CDH18: variants seen among roughly 807,000 people sequenced by gnomAD.
CDH18 encodes cadherin 18.
Under a neutral mutation model 67.9 loss-of-function variants are expected in CDH18, and 31 were observed. That is an observed-to-expected ratio of 0.46 (90% CI 0.34 to 0.62). The LOEUF (loss-of-function observed/expected upper bound fraction) is 0.62, where lower values mean the gene tolerates loss of function less well. CDH18 is among the 20% of genes least tolerant of loss of function. The pLI is 0.01. For synonymous variants in CDH18, 362 were observed against 347.2 expected (o/e 1.04, Z -0.48); for missense variants, 890 against 975.5 (o/e 0.91, Z 1.17).
chr5:20,205,691 G>C (rs1305296863), intron 2 of CDH18, among the ~76,000 whole-genome samples: 2 of 151,580 alleles, frequency 1.3e-5, no homozygotes, highest in Admixed American at 1.3e-4. Context: ...AACAAAACTA[G>C]AAATCAATAA....
At chr5:20,264,648 T>C (rs533742689) in intron 1 of CDH18, among the ~76,000 whole-genome samples, 3 of 151,992 alleles carry the variant, frequency 2.0e-5, no homozygotes, top group Non-Finnish European at 2.9e-5. Context: ...AGCGGAAAAA[T>C]CTTGTTAGGT....
chr5:20,137,159 T>C (rs1749801640), intron 2 of CDH18, among the ~76,000 whole-genome samples: 1 of 152,138 alleles, frequency 6.6e-6, no homozygotes, highest in African/African-American at 2.4e-5. Flanking sequence ...TTCTCCCGGG[T>C]AATATCCTGA....
intron 2 of CDH18, among the ~76,000 whole-genome samples, chr5:20,220,304 G>T (rs1741123156): frequency 6.6e-6 from 1 of 151,864 alleles, no homozygotes; most frequent in Non-Finnish European, 1.5e-5. Context: ...ACAGAATAGA[G>T]AACCCAGAAA....
chr5:20,560,881 T>C (rs1302691775), intron 1 of CDH18, among the ~76,000 whole-genome samples: 2 of 152,068 alleles, frequency 1.3e-5, no homozygotes, highest in African/African-American at 4.8e-5. Flanking sequence ...CAAAAAGGTC[T>C]ATTATCCAAC....
At chr5:20,477,637 T>C (rs1231274667) in intron 1 of CDH18, among the ~76,000 whole-genome samples, 2 of 152,164 alleles carry the variant, frequency 1.3e-5, no homozygotes, top group African/African-American at 2.4e-5. Context: ...GAACCTGAGT[T>C]CCAGCTAGCC....
chr5:20,517,651 T>C (rs1328164287), intron 1 of CDH18, among the ~76,000 whole-genome samples: 1 of 152,040 alleles, frequency 6.6e-6, no homozygotes, highest in African/African-American at 2.4e-5. Flanking sequence ...AAGGTTCTTA[T>C]AAGGTTTTTA....
intron 1 of CDH18, among the ~76,000 whole-genome samples, chr5:20,256,522 A>T (rs1404273151): frequency 6.6e-6 from 1 of 152,132 alleles, no homozygotes; most frequent in African/African-American, 2.4e-5. Flanking sequence ...TATTATTTAT[A>T]CTAGGAATAA....
chr5:20,490,178 C>T (rs180878832), intron 1 of CDH18, among the ~76,000 whole-genome samples: 55 of 151,928 alleles, frequency 3.6e-4, no homozygotes, highest in Non-Finnish European at 6.6e-4. Flanking sequence ...GCTTGTACTC[C>T]CACCATGCAT....
chr5:20,280,015 A>G (rs1462706616), intron 1 of CDH18, among the ~76,000 whole-genome samples: 1 of 151,996 alleles, frequency 6.6e-6, no homozygotes, highest in Non-Finnish European at 1.5e-5. Context: ...AATTACATCA[A>G]AGTTATTATC....
At chr5:19,937,990 C>A (rs1794455989) in intron 2 of CDH18, among the ~76,000 whole-genome samples, 1 of 145,064 alleles carries the variant, frequency 6.9e-6, no homozygotes, top group African/African-American at 2.6e-5. Flanking sequence ...ATATAAATAG[C>A]AAATAAAATA....
intron 2 of CDH18, among the ~76,000 whole-genome samples, chr5:19,996,889 T>C (rs893803998): frequency 1.3e-5 from 2 of 152,000 alleles, no homozygotes; most frequent in African/African-American, 4.8e-5. Flanking sequence ...TATACATACA[T>C]ACATGAATAT....
chr5:19,649,069 G>T (rs1755202783), intron 5 of CDH18, among the ~76,000 whole-genome samples: 1 of 152,048 alleles, frequency 6.6e-6, no homozygotes, highest in Non-Finnish European at 1.5e-5. Flanking sequence ...AATCGACATG[G>T]TAGAGGAATC....
intron 5 of CDH18, among the ~76,000 whole-genome samples, chr5:19,647,598 CACATAGAG>C (rs36202004): frequency 0.063 from 8,518 of 135,628 alleles, 281 homozygotes; most frequent in Non-Finnish European, 0.077. Flanking sequence ...TAGCAACAAG[CACATAGAG>C]ACATAGAGGC....
At position 20,356,719 on chromosome 5, in the gene CDH18, GTC is replaced by G. The variant is rs199599355; in HGVS notation, c.-579-101216_-579-101215del. On this transcript the variant is annotated intron_variant, in intron 1 of 14. Coordinates refer to the CDH18 transcript ENST00000507958. The stretch of plus-strand genomic sequence containing the variant: ...TACCTAGATATGGATATATACCAAG[GTC>G]TCTCTCTCTCTCTCTCTCTCTCTCT... Among the ~76,000 whole-genome samples the G allele has an allele frequency of 7.4e-3, 960 of 129,722 alleles. 14 individuals carry two copies. The highest frequency in any genetic ancestry group is 0.018 in the African/African-American group (617 of 35,004). The allele number at this position is 129,722 out of a possible 152,430, so 85.1% of individuals were successfully genotyped here.
chr5:19,613,294 C>T (rs903647463), intron 5 of CDH18, among the ~76,000 whole-genome samples: 1 of 152,112 alleles, frequency 6.6e-6, no homozygotes, highest in African/African-American at 2.4e-5. Context: ...GGCTAATTTT[C>T]ATCTTTATAG....
intron 2 of CDH18, among the ~76,000 whole-genome samples, chr5:20,108,225 A>G (rs1483621046): frequency 6.6e-6 from 1 of 151,964 alleles, no homozygotes; most frequent in Non-Finnish European, 1.5e-5. Context: ...GACTACAGGC[A>G]TGTGCCACCA....
chr5:20,376,111 T>TTTTTTTTTTTTTTTTTTTTTC (rs1191167531), intron 1 of CDH18, among the ~76,000 whole-genome samples: 1 of 133,402 alleles, frequency 7.5e-6, no homozygotes, highest in African/African-American at 2.7e-5. Context: ...TTTTTTTTTT[T>TTTTTTTTTTTTTTTTTTTTTC]GAGACGGAGT....
chr5:20,392,939 ATATGAG>A (rs1248891117), intron 1 of CDH18, among the ~76,000 whole-genome samples: 3 of 151,858 alleles, frequency 2.0e-5, no homozygotes, highest in Non-Finnish European at 4.4e-5. Context: ...TCACCATTGG[ATATGAG>A]TATATGTTTC....
At chr5:19,705,129 T>C (rs1380675041) in intron 5 of CDH18, among the ~76,000 whole-genome samples, 1 of 152,102 alleles carries the variant, frequency 6.6e-6, no homozygotes, top group Non-Finnish European at 1.5e-5. Flanking sequence ...TCGTAAAAAA[T>C]TTTCACAGTG....
Sources: allele counts gnomAD v4.1 joint callset (sites outside exome capture counted in the v4.1 genomes callset), GRCh38; gene constraint gnomAD v4.1.1; transcripts MANE v1.5; gene names NCBI Gene and HGNC (gene_info 2026-07-23, HGNC 2026-07-21).